Variants in DNAH12 observed in about 807,000 individuals in gnomAD.
DNAH12 encodes axonemal beta dynein heavy chain 12.
A neutral mutation model predicts 371.5 loss-of-function variants in DNAH12; 285 were observed. The ratio of observed to expected loss-of-function variants is 0.77; its 90% CI spans 0.70 to 0.85. DNAH12 has a LOEUF of 0.85. DNAH12 is among the 40% of genes least tolerant of loss of function. The pLI is 0.00. For missense variants in DNAH12, 3,611 were observed against 3,689.4 expected, an observed-to-expected ratio of 0.98 and a Z score of 0.55; for synonymous variants, 1,200 against 1,213.0, an observed-to-expected ratio of 0.99 and a Z score of 0.22.
Position 57,509,198 on chromosome 3 carries a change from C to T in DNAH12, c.484G>A (p.Val162Met), listed in dbSNP as rs2153393500. The T allele has an allele frequency of 6.2e-7, 1 of 1,613,768 alleles. No individual in the cohort carries two copies. The highest frequency in any genetic ancestry group is 2.2e-5 in the East Asian group (1 of 44,850). ...MKRYLVQSVLVKPPVKSLEDE... is the reference protein window; with the variant it reads ...MKRYLVQSVLMKPPVKSLEDE... ...TCAAGCGATTTAACTGGTGGTTTCA[C>T]AAGAACGCTCTGCACTAAAATACAT... The change falls in exon 6 of 74, where the codon GTG (valine) becomes ATG (methionine). Residue 162 changes from valine to methionine, a missense_variant. This residue lies in a region of DNAH12 where 1,314 missense variants were observed against 1,398.7 expected (regional missense o/e 0.94). Transcript: ENST00000495027.
chr3:57,451,451 G>A (rs2065752751), intron 25 of DNAH12, among the ~76,000 whole-genome samples: 1 of 152,078 alleles, frequency 6.6e-6, no homozygotes, highest in South Asian at 2.1e-4. Flanking sequence ...GGCAAGCAAC[G>A]TGGCTGAAAC....
intron 19 of DNAH12, among the ~76,000 whole-genome samples, chr3:57,460,729 T>C (rs910257695): frequency 6.6e-6 from 1 of 152,224 alleles, no homozygotes; most frequent in Non-Finnish European, 1.5e-5. Flanking sequence ...CTTCTATTTA[T>C]GCTCATATTA....
chr3:57,408,468 G>A lies in DNAH12; in HGVS notation c.6088C>T (p.Pro2030Ser), dbSNP rs1553681992. The A allele has an allele frequency of 6.4e-7, 1 of 1,551,484 alleles. No individual in the cohort carries two copies. Among genetic ancestry groups the A allele is most frequent in the Non-Finnish European group, 8.7e-7 (1 of 1,146,896 alleles). ...GTAACTGGATTTCTTCCACCACCTG[G>A]AGGGCCCATTGCAGCAATCAGCTCT... ...DIELIAAMGP[P>S]GGGRNPVTPR... Residue 2030 changes from proline (P) to serine (S), a missense_variant, in exon 40 of 74, where the codon CCA becomes TCA. Coordinates refer to ENST00000495027, the MANE Select transcript of DNAH12 (RefSeq NM_001366028.2).
chr3:57,465,910 A>T (rs1217000670), intron 17 of DNAH12, among the ~76,000 whole-genome samples: 1 of 152,186 alleles, frequency 6.6e-6, no homozygotes, highest in African/African-American at 2.4e-5. Flanking sequence ...CTCCTAGTAG[A>T]GTAGCAAAAA....
At chr3:57,454,643 G>C in intron 23 of DNAH12, 132 bp downstream of exon 23, 3 of 1,236,636 alleles carry the variant, frequency 2.4e-6, no homozygotes, top group Non-Finnish European at 3.3e-6. Context: ...GTTGAAGTGG[G>C]AGGATTTCTT....
chr3:57,512,240 A>G (rs1212421180), intron 4 of DNAH12, among the ~76,000 whole-genome samples: 1 of 152,228 alleles, frequency 6.6e-6, no homozygotes, highest in Non-Finnish European at 1.5e-5. Flanking sequence ...AAATAAGCCA[A>G]TCACAAGAAA....
chr3:57,433,702 G>A lies in DNAH12; in HGVS notation c.4782C>T (p.Asn1594=). The A allele has an allele frequency of 6.4e-7, 1 of 1,551,206 alleles. No individual in the cohort carries two copies. The highest frequency in any genetic ancestry group is 8.7e-7 in the Non-Finnish European group (1 of 1,146,918). ...GTTGGCCCATAGTAATAGATTTGGG[G>A]TTTACAGTTCTATAAATGACCTTTT... ...EEEKVIYRTV[N]PKSITMGQLF... Residue 1594 remains asparagine, a synonymous_variant, in exon 31 of 74, where the codon AAC becomes AAT. Coordinates refer to ENST00000495027, the MANE Select transcript of DNAH12 (RefSeq NM_001366028.2).
intron 58 of DNAH12, among the ~76,000 whole-genome samples, chr3:57,363,031 G>C (rs1460136250): frequency 6.6e-6 from 1 of 152,174 alleles, no homozygotes; most frequent in South Asian, 2.1e-4. Context: ...AATCCATCTT[G>C]AATTAATTTT....
In DNAH12 at chr3:57,488,959, T is replaced by TGC. The variant is rs1553708145; in HGVS notation, c.1514+548_1514+549dup. Among the ~76,000 whole-genome samples the TGC allele has an allele frequency of 2.0e-5, 3 of 151,318 alleles. No homozygotes were observed. In the South Asian group the frequency reaches 6.2e-4, roughly 31 times the overall value. On this transcript the variant is annotated intron_variant, in intron 12 of 73. Transcript: ENST00000495027. ...CAAAGTGTGTGTGTGTGTGTGTGTG[T>TGC]GCACGTGCGTGTGTGTACTAATTTT...
At position 57,322,987 on chromosome 3, in the gene DNAH12, C is replaced by T; in HGVS notation, c.10383+20G>A. On this transcript the variant is annotated intron_variant, in intron 64 of 73. Coordinates refer to ENST00000495027, the MANE Select transcript of DNAH12 (RefSeq NM_001366028.2). ...GATAGCTAAGTAAATGTACTTAACT[C>T]TATAAGGAAATAAACATACTTTTGA... 1 of 1,550,260 alleles carries T rather than the reference C, an allele frequency of 6.5e-7. No homozygotes were observed. The highest frequency in any genetic ancestry group is 8.7e-7 in the Non-Finnish European group (1 of 1,146,394).
chr3:57,477,400 C>T (rs1017086273), intron 13 of DNAH12, among the ~76,000 whole-genome samples: 2 of 152,114 alleles, frequency 1.3e-5, no homozygotes, highest in African/African-American at 4.8e-5. Flanking sequence ...ATTGCCGAGG[C>T]TTGACTAGGT....
At chr3:57,427,137 A>AGT (rs1559646432) in intron 34 of DNAH12, among the ~76,000 whole-genome samples, 127 of 70,572 alleles carry the variant, frequency 1.8e-3, no homozygotes, top group African/African-American at 5.7e-3. Flanking sequence ...GTAAGAAGCG[A>AGT]ATGTGTGTGT....
intron 14 of DNAH12, among the ~76,000 whole-genome samples, chr3:57,472,345 C>T (rs899376298): frequency 6.6e-6 from 1 of 152,100 alleles, no homozygotes; most frequent in Non-Finnish European, 1.5e-5. Flanking sequence ...TAAATGTCAG[C>T]CCCACTACTT....
chr3:57,511,038 C>G lies in DNAH12; in HGVS notation c.280-59G>C, dbSNP rs1454769684. ...TGGTTGTATCATTTCAGTGTAACTCCTGAACTCTCCCTTCCTAAGACAACA... is the reference window on the plus strand; with the variant it reads ...TGGTTGTATCATTTCAGTGTAACTCGTGAACTCTCCCTTCCTAAGACAACA... On this transcript the variant is annotated intron_variant, in intron 4 of 73. Coordinates refer to ENST00000495027, the MANE Select transcript of DNAH12 (RefSeq NM_001366028.2). 3 of 1,263,304 alleles carry G rather than the reference C, an allele frequency of 2.4e-6. No individual in the cohort carries two copies. In the African/African-American group the frequency reaches 4.6e-5, roughly 20 times the overall value. The allele number at this position is 1,263,304 out of a possible 1,614,324, so 78.3% of individuals were successfully genotyped here.
intron 59 of DNAH12, among the ~76,000 whole-genome samples, chr3:57,356,374 T>C (rs971083927): frequency 1.3e-5 from 2 of 151,576 alleles, no homozygotes; most frequent in Non-Finnish European, 2.9e-5. Flanking sequence ...GCCTGGGAGG[T>C]TGAGGCTGCA....
intron 69 of DNAH12, among the ~76,000 whole-genome samples, chr3:57,305,396 G>C (rs940973326): frequency 6.6e-6 from 1 of 151,826 alleles, no homozygotes; most frequent in South Asian, 2.1e-4. Context: ...CTCAGCCTCC[G>C]CTCCTCCACC....
intron 4 of DNAH12, among the ~76,000 whole-genome samples, chr3:57,514,277 C>A (rs147311507): frequency 0.023 from 3,540 of 151,822 alleles, 62 homozygotes; most frequent in Middle Eastern, 0.034. Flanking sequence ...ACCTGTAATT[C>A]CAGCTACTTG....
chr3:57,462,526 A>G (rs2066084144), intron 18 of DNAH12, among the ~76,000 whole-genome samples, 164 bp downstream of exon 18: 1 of 152,106 alleles, frequency 6.6e-6, no homozygotes, highest in Non-Finnish European at 1.5e-5. Context: ...TGCTAGGATT[A>G]CAGATGTGAG....
At chr3:57,328,459 C>A (rs1303513174) in intron 62 of DNAH12, among the ~76,000 whole-genome samples, 7 of 142,754 alleles carry the variant, frequency 4.9e-5, no homozygotes, top group South Asian at 2.4e-4. Flanking sequence ...AAGACAAAAA[C>A]CACATGATTA....
Sources: allele counts gnomAD v4.1 joint callset (sites outside exome capture counted in the v4.1 genomes callset), GRCh38; gene constraint gnomAD v4.1.1; regional missense constraint gnomAD v4.1.1; transcripts MANE v1.5; gene names NCBI Gene and HGNC (gene_info 2026-07-23, HGNC 2026-07-21).